The following KDM7A variants were observed in gnomAD, a reference collection of about 807,000 sequenced individuals.
The protein encoded by KDM7A is lysine-specific demethylase 7A.
A neutral mutation model predicts 114.8 loss-of-function variants in KDM7A; 28 were observed. The observed-to-expected ratio is 0.24, with a 90% confidence interval of 0.18 to 0.33. The LOEUF (loss-of-function observed/expected upper bound fraction) is 0.33. Ranked by LOEUF, KDM7A falls within the 10% of genes least tolerant of loss-of-function variation. The pLI is 1.00. For missense variants in KDM7A, 942 were observed against 1,142.5 expected (o/e 0.82, Z 2.53); for synonymous variants, 423 against 397.8 (o/e 1.06, Z -0.75).
intron 1 of KDM7A, among the ~76,000 whole-genome samples, chr7:140,162,124 T>C (rs574794019): frequency 5.3e-5 from 8 of 151,824 alleles, no homozygotes; most frequent in East Asian, 1.9e-4. Context: ...TCACCTGAGG[T>C]TGGGAGTTTG....
At chr7:140,135,481 G>A (rs1282576677) in intron 2 of KDM7A, among the ~76,000 whole-genome samples, 2 of 152,282 alleles carry the variant, frequency 1.3e-5, no homozygotes, top group East Asian at 1.9e-4. Flanking sequence ...GATTACACGT[G>A]TGAGCCACTG....
intron 9 of KDM7A, among the ~76,000 whole-genome samples, chr7:140,114,251 T>C (rs1349298214): frequency 6.6e-6 from 1 of 152,086 alleles, no homozygotes; most frequent in African/African-American, 2.4e-5. Context: ...CCATCTCGGC[T>C]CACTGCAACC....
intron 1 of KDM7A, among the ~76,000 whole-genome samples, chr7:140,167,802 G>A (rs886365208): frequency 6.6e-6 from 1 of 151,698 alleles, no homozygotes; most frequent in Non-Finnish European, 1.5e-5. Flanking sequence ...ATTTTGCATG[G>A]CAAAAAAATT....
intron 17 of KDM7A, chr7:140,094,883 T>C (rs1562944131): frequency 6.6e-6 from 1 of 152,294 alleles, no homozygotes; most frequent in Non-Finnish European, 1.5e-5. Flanking sequence ...ATTTCCCTCT[T>C]GTTGCCCAGG....
chr7:140,157,660 TAACA>T (rs1209536598), intron 1 of KDM7A, among the ~76,000 whole-genome samples: 2 of 151,560 alleles, frequency 1.3e-5, no homozygotes, highest in South Asian at 2.1e-4. Context: ...ATTAATCAAT[TAACA>T]AACAAAGAAA....
At chr7:140,159,729 G>A (rs2116846986) in intron 1 of KDM7A, among the ~76,000 whole-genome samples, 1 of 152,190 alleles carries the variant, frequency 6.6e-6, no homozygotes, top group South Asian at 2.1e-4. Context: ...AAAATAGGGA[G>A]GAATCAAGAG....
At chr7:140,128,300 G>C (rs1193368138) in intron 4 of KDM7A, among the ~76,000 whole-genome samples, 1 of 152,164 alleles carries the variant, frequency 6.6e-6, no homozygotes, top group Non-Finnish European at 1.5e-5. Context: ...ATGGGATAAG[G>C]TAGAATTCAA....
chr7:140,148,021 G>A (rs1209144951), intron 1 of KDM7A, among the ~76,000 whole-genome samples: 1 of 152,144 alleles, frequency 6.6e-6, no homozygotes, highest in Non-Finnish European at 1.5e-5. Context: ...AACATACTAA[G>A]TCATAAACAG....
intron 18 of KDM7A, 154 bp from the exon 19 acceptor site, chr7:140,092,231 T>C (rs1379582514): frequency 1.5e-6 from 1 of 673,936 alleles, no homozygotes; most frequent in African/African-American, 1.8e-5. Context: ...CACTCCTGCA[T>C]GATGTCGTCT....
intron 1 of KDM7A, among the ~76,000 whole-genome samples, chr7:140,171,861 CT>C (rs1794646658): frequency 6.6e-6 from 1 of 151,854 alleles, no homozygotes; most frequent in African/African-American, 2.4e-5. Flanking sequence ...ATAGTGTATT[CT>C]TTTTTACAGC....
rs1238363856 is a variant in KDM7A, at chr7:140,091,999, C to A, written c.2536G>T (p.Val846Leu). Reference sequence around the variant, plus strand: ...TGAAGGCTTGAGCCGCTGCTGTCCACATAATTCCTACTTTGTACCCTCTGA... The same window carrying A: ...TGAAGGCTTGAGCCGCTGCTGTCCAAATAATTCCTACTTTGTACCCTCTGA... ...ISQRVQSRNY[V>L]DSSGSSLQNG... The change falls in exon 19 of 20, where the codon GTG becomes TTG. Residue 846 changes from valine to leucine, a missense_variant. Coordinates refer to ENST00000397560, the MANE Select transcript of KDM7A (RefSeq NM_030647.2). The A allele has an allele frequency of 6.2e-7, 1 of 1,614,142 alleles. No homozygotes were observed. The highest frequency in any genetic ancestry group is 2.2e-5 in the East Asian group (1 of 44,880).
chr7:140,130,656 G>T (rs1457070666), intron 3 of KDM7A, among the ~76,000 whole-genome samples: 1 of 151,688 alleles, frequency 6.6e-6, no homozygotes, highest in Non-Finnish European at 1.5e-5. Flanking sequence ...AAACAAAAAC[G>T]AGTCAGATTT....
intron 1 of KDM7A, among the ~76,000 whole-genome samples, chr7:140,161,241 G>A (rs1794515306): frequency 6.6e-6 from 1 of 152,212 alleles, no homozygotes; most frequent in African/African-American, 2.4e-5. Context: ...AGTTCACACA[G>A]AAGAGGAAAA....
intron 19 of KDM7A, 43 bp downstream of exon 19, chr7:140,091,761 T>C (rs1308062777): frequency 1.1e-5 from 17 of 1,599,342 alleles, no homozygotes; most frequent in Non-Finnish European, 1.4e-5. Flanking sequence ...GACCATCACA[T>C]ACAGTCAGAA....
At chr7:140,164,307 C>T (rs999820641) in intron 1 of KDM7A, among the ~76,000 whole-genome samples, 1 of 152,298 alleles carries the variant, frequency 6.6e-6, no homozygotes, top group South Asian at 2.1e-4. Context: ...ACCTATAGAT[C>T]AGGGTTTCTC....
chr7:140,097,466 T>G, intron 15 of KDM7A, 79 bp downstream of exon 15: 1 of 765,356 alleles, frequency 1.3e-6, no homozygotes, highest in East Asian at 2.5e-5. Context: ...AAGCTGTCAT[T>G]TGCCTTGCTT....
At chr7:140,092,127 G>C in intron 18 of KDM7A, 50 bp from the exon 19 acceptor site, 1 of 1,557,530 alleles carries the variant, frequency 6.4e-7, no homozygotes, top group Non-Finnish European at 8.8e-7. Context: ...TTTAAATGAG[G>C]TATTTAAGCT....
chr7:140,107,162 G>T (rs543644229), intron 11 of KDM7A, among the ~76,000 whole-genome samples: 1 of 152,216 alleles, frequency 6.6e-6, no homozygotes, highest in East Asian at 1.9e-4. Flanking sequence ...GAGCCTATGT[G>T]TGTCTCTGCA....
At chr7:140,155,370 T>C (rs527848291) in intron 1 of KDM7A, among the ~76,000 whole-genome samples, 1 of 152,334 alleles carries the variant, frequency 6.6e-6, no homozygotes, top group East Asian at 1.9e-4. Flanking sequence ...ATAGCTTCTA[T>C]CCTAGGGTAA....
Sources: gnomAD v4.1 joint callset for allele counts (sites outside exome capture counted in the v4.1 genomes callset) on GRCh38, gnomAD v4.1.1 for gene constraint, MANE v1.5 for transcripts, NCBI Gene and HGNC (gene_info 2026-07-23, HGNC 2026-07-21) for gene names.